The following ZNF638 variants were observed in gnomAD, a reference collection of about 807,000 sequenced individuals.
ZNF638 encodes zinc finger protein 638, also known as CTCL tumor antigen se33-1.
A neutral mutation model predicts 195.6 loss-of-function variants in ZNF638; 46 were observed. The observed-to-expected ratio is 0.24, with a 90% CI of 0.19 to 0.30. The LOEUF is 0.30. Ranked by LOEUF, ZNF638 falls within the 10% of genes least tolerant of loss-of-function variation. The probability of loss-of-function intolerance (pLI) is 1.00; values close to 1 mark genes in which losing one functional copy is unlikely to be tolerated. For synonymous variants in ZNF638, 845 were observed against 772.0 expected (o/e 1.09, Z -1.57); for missense variants, 2,440 against 2,325.3 (o/e 1.05, Z -1.01).
intron 1 of ZNF638, among the ~76,000 whole-genome samples, chr2:71,332,105 A>C (rs1386531542): frequency 6.6e-6 from 1 of 152,046 alleles, no homozygotes; most frequent in Non-Finnish European, 1.5e-5. Context: ...TCACTTCGCT[A>C]CCCGGGAGGG....
Position 71,428,592 on chromosome 2 carries a change from C to T in ZNF638, c.5591C>T (p.Ser1864Leu). 6.2e-7 allele frequency: 1 copy of T among 1,613,990 alleles called. No homozygotes were observed. Among genetic ancestry groups the T allele is most frequent in the Non-Finnish European group, 8.5e-7 (1 of 1,179,960 alleles). The change falls in exon 25 of 28, where the codon TCA becomes TTA. Residue 1864 changes from serine to leucine, a missense_variant. Ser to Leu is a moderately radical substitution (Grantham distance 145). This residue lies in a region of ZNF638 where 1,883 missense variants were observed against 1,739.1 expected (regional missense o/e 1.08). Transcript: ENST00000264447. ...GTTAGAATTGGGAAAACTCTGCCAT[C>T]AGAAAAAGCTGTTGTGACAGAACCA... ...KRVRIGKTLP[S>L]EKAVVTEPAK...
In ZNF638 at chr2:71,349,509, A is replaced by T. The variant is rs1462678920; in HGVS notation, c.555A>T (p.Arg185=). Residue 185 remains arginine (R), a synonymous_variant, in exon 2 of 28, where the codon CGA becomes CGT. Coordinates refer to ENST00000264447, the MANE Select transcript of ZNF638 (RefSeq NM_014497.5). ...RDIRMRKMGR[R]LPNLPSQSRN... ...TAAGAATGCGAAAAATGGGGCGCCGATTACCTAATTTACCTTCTCAGAGCA... is the reference window on the plus strand; with the variant it reads ...TAAGAATGCGAAAAATGGGGCGCCGTTTACCTAATTTACCTTCTCAGAGCA... 3 of 1,614,160 alleles carry T rather than the reference A, an allele frequency of 1.9e-6. No individual in the cohort carries two copies. Among genetic ancestry groups the T allele is most frequent in the Non-Finnish European group, 2.5e-6 (3 of 1,180,012 alleles).
At chr2:71,408,701 G>T in intron 20 of ZNF638, 1 of 443,410 alleles carries the variant, frequency 2.3e-6, no homozygotes, top group Non-Finnish European at 4.6e-6. Flanking sequence ...GGAAAGCTAT[G>T]GATAGTCCAC....
intron 6 of ZNF638, among the ~76,000 whole-genome samples, chr2:71,367,476 C>T (rs1374320578): frequency 6.6e-6 from 1 of 150,392 alleles, no homozygotes; most frequent in Non-Finnish European, 1.5e-5. Flanking sequence ...CTCTGTCACC[C>T]AGGCTGGAGT....
intron 1 of ZNF638, among the ~76,000 whole-genome samples, chr2:71,335,117 G>T (rs1167250994): frequency 6.6e-6 from 1 of 152,078 alleles, no homozygotes; most frequent in Non-Finnish European, 1.5e-5. Context: ...GTTCCCTGCG[G>T]CCTCTACCTC....
chr2:71,421,757 A>G (rs1200264882), intron 21 of ZNF638, among the ~76,000 whole-genome samples: 1 of 152,202 alleles, frequency 6.6e-6, no homozygotes, highest in Non-Finnish European at 1.5e-5. Context: ...GTCTTTCTCC[A>G]ATCTGCTGCT....
At chr2:71,340,115 A>T (rs952059068) in intron 1 of ZNF638, among the ~76,000 whole-genome samples, 1 of 152,188 alleles carries the variant, frequency 6.6e-6, no homozygotes, top group Non-Finnish European at 1.5e-5. Flanking sequence ...TTTTTTTTCA[A>T]ATCTGAAATC....
At chr2:71,417,126 G>T (rs1294462696) in intron 20 of ZNF638, among the ~76,000 whole-genome samples, 2 of 147,634 alleles carry the variant, frequency 1.4e-5, no homozygotes, top group African/African-American at 5.0e-5. Context: ...AGCAATCAGC[G>T]AGATTCCGTG....
intron 10 of ZNF638, among the ~76,000 whole-genome samples, chr2:71,382,121 T>A (rs1355698739): frequency 6.6e-6 from 1 of 152,168 alleles, no homozygotes; most frequent in African/African-American, 2.4e-5. Flanking sequence ...GTTTCAGTCC[T>A]GATAGGTTTT....
At chr2:71,354,571 A>G (rs1363486101) in intron 2 of ZNF638, among the ~76,000 whole-genome samples, 1 of 152,108 alleles carries the variant, frequency 6.6e-6, no homozygotes, top group Non-Finnish European at 1.5e-5. Context: ...CCCTGTCTCT[A>G]TTAAAAATAC....
chr2:71,349,825 A>G lies in ZNF638; in HGVS notation c.871A>G (p.Thr291Ala). The G allele has an allele frequency of 6.2e-7, 1 of 1,614,190 alleles. No individual in the cohort carries two copies. Among genetic ancestry groups the G allele is most frequent in the Non-Finnish European group, 8.5e-7 (1 of 1,180,024 alleles). Residue 291 changes from threonine to alanine, a missense_variant, in exon 2 of 28, where the codon ACC (threonine) becomes GCC (alanine). Transcript: ENST00000264447. ...NRSFFSVESG[T>A]KMSGLHISGG... ...GTCCTTTTTCTCAGTTGAGAGTGGA[A>G]CCAAGATGTCAGGCTTACACATTTC... is the stretch of plus-strand genomic sequence containing the variant.
chr2:71,431,831 C>A (rs2080671247), intron 26 of ZNF638, among the ~76,000 whole-genome samples: 1 of 151,864 alleles, frequency 6.6e-6, no homozygotes, highest in Non-Finnish European at 1.5e-5. Context: ...GTAACCTTGG[C>A]TGCATTGTCA....
chr2:71,363,012 T>A (rs565829534), intron 3 of ZNF638, 141 bp from the exon 4 acceptor site: 1 of 699,304 alleles, frequency 1.4e-6, no homozygotes, highest in East Asian at 2.7e-5. Flanking sequence ...ATACTTTGAT[T>A]ATTTATTGAA....
At chr2:71,391,177 AC>A (rs1441888273) in intron 10 of ZNF638, among the ~76,000 whole-genome samples, 1 of 152,342 alleles carries the variant, frequency 6.6e-6, no homozygotes, top group East Asian at 1.9e-4. Context: ...TGCATGACTT[AC>A]GGGCTATCAG....
chr2:71,373,604 G>C (rs574136774), intron 8 of ZNF638, among the ~76,000 whole-genome samples: 1 of 146,166 alleles, frequency 6.8e-6, no homozygotes, highest in Admixed American at 6.8e-5. Context: ...GCCACTAACA[G>C]AGATGGGGTT....
At chr2:71,389,864 C>A (rs1279649497) in intron 10 of ZNF638, among the ~76,000 whole-genome samples, 5 of 152,150 alleles carry the variant, frequency 3.3e-5, no homozygotes, top group African/African-American at 1.2e-4. Context: ...ACGTCGACTG[C>A]CAACAAGCAA....
At chr2:71,392,442 A>G (rs562946860) in intron 10 of ZNF638, among the ~76,000 whole-genome samples, 2 of 152,340 alleles carry the variant, frequency 1.3e-5, no homozygotes, top group Admixed American at 1.3e-4. Flanking sequence ...CGTTCAGCCC[A>G]TTAACATTGT....
At chr2:71,389,761 T>C (rs1382147001) in intron 10 of ZNF638, among the ~76,000 whole-genome samples, 1 of 152,224 alleles carries the variant, frequency 6.6e-6, no homozygotes, top group African/African-American at 2.4e-5. Flanking sequence ...TTTTTGAATT[T>C]ATCAATCGGT....
chr2:71,426,698 C>T lies in ZNF638; in HGVS notation c.4829C>T (p.Ala1610Val), dbSNP rs1201258593. Residue 1610 changes from alanine to valine, a missense_variant, in exon 24 of 28, where the codon GCA becomes GTA. Transcript: ENST00000264447. ...TLDEIGEEED[A>V]AAHLAQALVT... The stretch of plus-strand genomic sequence containing the variant: ...GATGAGATTGGGGAAGAGGAAGATG[C>T]AGCTGCACATCTAGCACAAGCTCTA... 6.2e-7 allele frequency: 1 copy of T among 1,614,152 alleles called. No individual in the cohort carries two copies. Among genetic ancestry groups the T allele is most frequent in the East Asian group, 2.2e-5 (1 of 44,880 alleles).
Sources: gnomAD v4.1 joint callset for allele counts (sites outside exome capture counted in the v4.1 genomes callset) on GRCh38, gnomAD v4.1.1 for gene constraint, gnomAD v4.1.1 regional missense constraint, MANE v1.5 for transcripts, NCBI Gene and HGNC (gene_info 2026-07-23, HGNC 2026-07-21) for gene names.